Variants in CHIC2 observed in about 807,000 individuals in gnomAD.
CHIC2 encodes cysteine rich hydrophobic domain 2.
A neutral mutation model predicts 25.9 loss-of-function variants in CHIC2; 14 were observed. That is an observed-to-expected ratio of 0.54 (90% CI 0.36 to 0.85). The LOEUF (loss-of-function observed/expected upper bound fraction) is 0.85, where lower values mean the gene tolerates loss of function less well. Among genes scored for constraint, CHIC2 ranks in the 40% least tolerant of loss-of-function variants. CHIC2 has a pLI of 0.01. For missense variants in CHIC2, 146 were observed against 202.0 expected (o/e 0.72, Z 1.68); for synonymous variants, 70 against 72.0 (o/e 0.97, Z 0.14).
At chr4:54,066,605 G>T (rs1281151410), upstream of CHIC2, among the ~76,000 whole-genome samples, 1 of 151,256 alleles carries the variant, frequency 6.6e-6, no homozygotes. Context: ...TATACTGGTG[G>T]TCCAAGCTTT....
At chr4:54,036,201 T>C (rs964155094) in intron 3 of CHIC2, among the ~76,000 whole-genome samples, 4 of 152,204 alleles carry the variant, frequency 2.6e-5, no homozygotes, top group African/African-American at 7.2e-5. Context: ...AAATGTCAAT[T>C]AGGTTAAGTT....
chr4:54,055,005 G>C (rs1717129773), intron 1 of CHIC2, among the ~76,000 whole-genome samples: 1 of 152,158 alleles, frequency 6.6e-6, no homozygotes, highest in African/African-American at 2.4e-5. Flanking sequence ...GGGAACCTTT[G>C]AGGGGCCTGA....
chr4:54,030,291 G>A (rs1355043816), intron 3 of CHIC2, among the ~76,000 whole-genome samples: 2 of 152,088 alleles, frequency 1.3e-5, no homozygotes, highest in Admixed American at 1.3e-4. Flanking sequence ...GCCGAGGCTG[G>A]AGGATTGCTT....
At chr4:54,085,727 G>A in the CHIC2 span, among the ~76,000 whole-genome samples, 1 of 152,198 alleles carries the variant, frequency 6.6e-6, no homozygotes, top group African/African-American at 2.4e-5. Flanking sequence ...CAGGCCGACA[G>A]TGGAGGGAGA....
At chr4:54,068,399 C>T (rs138736014), upstream of CHIC2, among the ~76,000 whole-genome samples, 91 of 152,264 alleles carry the variant, frequency 6.0e-4, no homozygotes, top group African/African-American at 2.0e-3. Context: ...TAGAACACAG[C>T]AAGAAGACAA....
the CHIC2 span, among the ~76,000 whole-genome samples, chr4:54,073,659 T>C: frequency 7.9e-5 from 12 of 152,174 alleles, no homozygotes; most frequent in Admixed American, 3.9e-4. Context: ...CACCAATTCC[T>C]AACCTCCAGA....
chr4:54,087,497 A>G, the CHIC2 span: 1 of 1,002,494 alleles, frequency 1.0e-6, no homozygotes, highest in Non-Finnish European at 1.4e-6. Context: ...TTTCGACGTG[A>G]TGTTAGGCAC....
At chr4:54,083,591 A>AC in the CHIC2 span, among the ~76,000 whole-genome samples, 4 of 152,068 alleles carry the variant, frequency 2.6e-5, no homozygotes, top group African/African-American at 9.7e-5. Flanking sequence ...GTCTTTCTGT[A>AC]CCCCTGTCCT....
intron 3 of CHIC2, among the ~76,000 whole-genome samples, chr4:54,016,737 G>C (rs1036418059): frequency 2.0e-5 from 3 of 151,884 alleles, no homozygotes; most frequent in African/African-American, 7.3e-5. Context: ...ATGATTTACA[G>C]TGAGGAGCAG....
intron 5 of CHIC2, among the ~76,000 whole-genome samples, chr4:54,010,350 C>T (rs1474577907): frequency 6.6e-6 from 1 of 151,904 alleles, no homozygotes; most frequent in East Asian, 1.9e-4. Context: ...ACCAAATACA[C>T]GAAATACCTT....
intron 3 of CHIC2, among the ~76,000 whole-genome samples, chr4:54,045,083 C>T (rs1328374045): frequency 1.3e-5 from 2 of 152,162 alleles, no homozygotes; most frequent in African/African-American, 4.8e-5. Context: ...CATACACTCT[C>T]CCAAGACTAA....
rs1330469400 is a variant in CHIC2 at position 54,064,042 on chromosome 4, G to A, written c.119+140C>T. On this transcript the variant is annotated intron_variant, in intron 1 of 5. Coordinates refer to ENST00000263921, the MANE Select transcript of CHIC2 (RefSeq NM_012110.4). This position sits in a 1 kb window ranked among gnomAD's most constrained non-coding sequence, Gnocchi z 4.2. ...CGGAGACCCAAACAAATGAAAATAA[G>A]CCAAGTTCTCACTTCCTGGTTGCCT... 4 of 686,672 alleles carry A rather than the reference G, an allele frequency of 5.8e-6. No individual in the cohort carries two copies. The highest frequency in any genetic ancestry group is 9.9e-6 in the Non-Finnish European group (4 of 403,682). The allele number at this position is 686,672 out of a possible 1,614,324, so 42.5% of individuals were successfully genotyped here.
upstream of CHIC2, among the ~76,000 whole-genome samples, chr4:54,066,118 G>A (rs1717513152): frequency 6.6e-6 from 1 of 152,130 alleles, no homozygotes; most frequent in Admixed American, 6.5e-5. Context: ...GTGTCAGTGG[G>A]GCACACAGGA....
rs145796488 is a variant in CHIC2 at position 54,010,574 on chromosome 4, A to G, written c.448-429T>C. Among the ~76,000 whole-genome samples the G allele has an allele frequency of 2.6e-5, 4 of 152,274 alleles. No homozygotes were observed. In the East Asian group the frequency reaches 7.7e-4, roughly 29 times the overall value. On this transcript the variant is annotated intron_variant, in intron 5 of 5. Transcript: ENST00000263921. ...TCTCTTTAAACCCAACAACTTTTCTATGAGGCAAGTATTATAATCCTTATT... is the reference window on the plus strand; with the variant it reads ...TCTCTTTAAACCCAACAACTTTTCTGTGAGGCAAGTATTATAATCCTTATT...
chr4:54,084,861 GAC>G, the CHIC2 span, among the ~76,000 whole-genome samples: 2 of 149,932 alleles, frequency 1.3e-5, no homozygotes, highest in Non-Finnish European at 3.0e-5. Flanking sequence ...TCGGGAGGCT[GAC>G]ACATGAGAAC....
intron 3 of CHIC2, 137 bp from the exon 4 acceptor site, chr4:54,014,256 C>T (rs1715679338): frequency 1.6e-6 from 1 of 643,790 alleles, no homozygotes; most frequent in East Asian, 2.8e-5. Flanking sequence ...TATCGATGTT[C>T]TAAGCACTAA....
chr4:54,043,782 G>A (rs1716674199), intron 3 of CHIC2, among the ~76,000 whole-genome samples: 2 of 152,144 alleles, frequency 1.3e-5, no homozygotes, highest in Non-Finnish European at 2.9e-5. Flanking sequence ...CATAATGACA[G>A]GATCAAATTC....
chr4:54,091,621 C>T, the CHIC2 span, among the ~76,000 whole-genome samples: 1 of 152,190 alleles, frequency 6.6e-6, no homozygotes, highest in East Asian at 1.9e-4. Context: ...ACCAAAATCT[C>T]AGAAATCACC....
At chr4:54,084,732 G>A in the CHIC2 span, among the ~76,000 whole-genome samples, 1 of 151,984 alleles carries the variant, frequency 6.6e-6, no homozygotes, top group African/African-American at 2.4e-5. Flanking sequence ...TTGAGGCCAG[G>A]AGTTTGAGAC....
Sources: allele counts gnomAD v4.1 joint callset (sites outside exome capture counted in the v4.1 genomes callset), GRCh38; gene constraint gnomAD v4.1.1; non-coding constraint Gnocchi (gnomAD v3.1); transcripts MANE v1.5; gene names NCBI Gene and HGNC (gene_info 2026-07-23, HGNC 2026-07-21).